Variants in PCDH15 observed in about 807,000 individuals in gnomAD.
PCDH15 encodes the protein protocadherin related 15.
In PCDH15, 129 loss-of-function variants were observed where a neutral mutation model predicts 178.5. The ratio of observed to expected loss-of-function variants is 0.72; its 90% CI spans 0.63 to 0.84. PCDH15 has a LOEUF of 0.84. PCDH15 is among the 40% of genes least tolerant of loss of function. The probability of loss-of-function intolerance (pLI) is 0.00; values close to 1 mark genes in which losing one functional copy is unlikely to be tolerated. For synonymous variants in PCDH15, 800 were observed against 732.0 expected (o/e 1.09, Z -1.50); for missense variants, 2,230 against 2,099.9 (o/e 1.06, Z -1.21).
At chr10:55,027,640 C>T (rs1157409750) in intron 2 of PCDH15, among the ~76,000 whole-genome samples, 1 of 151,720 alleles carries the variant, frequency 6.6e-6, no homozygotes, top group Non-Finnish European at 1.5e-5. Context: ...TTCTCTTCCC[C>T]TGTCATAGGT....
At chr10:53,810,806 G>T in intron 36 of PCDH15, 142 bp from the exon 37 acceptor site, 1 of 749,876 alleles carries the variant, frequency 1.3e-6, no homozygotes, top group Non-Finnish European at 2.3e-6. Context: ...TTGTAAACTA[G>T]TTACAAAACT....
chr10:53,910,927 A>G (rs2083043975), intron 25 of PCDH15, among the ~76,000 whole-genome samples: 1 of 152,230 alleles, frequency 6.6e-6, no homozygotes, highest in Non-Finnish European at 1.5e-5. Flanking sequence ...TTGAAGATCA[A>G]GTTAATGAAA....
chr10:53,918,969 C>A (rs1205204799), intron 25 of PCDH15, among the ~76,000 whole-genome samples: 1 of 152,132 alleles, frequency 6.6e-6, no homozygotes, highest in African/African-American at 2.4e-5. Flanking sequence ...CTAGAAGCTG[C>A]CTGCTTGCAT....
chr10:54,504,954 A>G (rs529273745), intron 3 of PCDH15, among the ~76,000 whole-genome samples: 1 of 152,242 alleles, frequency 6.6e-6, no homozygotes, highest in South Asian at 2.1e-4. Flanking sequence ...CATACTGCAG[A>G]CTTTTTCAAA....
At chr10:53,905,805 A>C (rs1025180044) in intron 25 of PCDH15, among the ~76,000 whole-genome samples, 8 of 152,136 alleles carry the variant, frequency 5.3e-5, no homozygotes, top group Non-Finnish European at 1.2e-4. Flanking sequence ...TGGATAACCC[A>C]AAATATGATT....
chr10:54,119,368 A>G (rs2095174448), intron 15 of PCDH15, among the ~76,000 whole-genome samples: 1 of 152,182 alleles, frequency 6.6e-6, no homozygotes, highest in Non-Finnish European at 1.5e-5. Flanking sequence ...CTTTATTAAT[A>G]GACTGGATCT....
chr10:54,076,639 T>C (rs2094347367), intron 17 of PCDH15, among the ~76,000 whole-genome samples: 1 of 151,976 alleles, frequency 6.6e-6, no homozygotes, highest in Admixed American at 6.6e-5. Context: ...AAAAATAAAT[T>C]ACATGACACA....
intron 2 of PCDH15, among the ~76,000 whole-genome samples, chr10:54,663,750 C>CAA: frequency 6.6e-6 from 1 of 150,600 alleles, no homozygotes; most frequent in East Asian, 1.9e-4. Flanking sequence ...GTGCCAACAC[C>CAA]AAAACAACTT....
intron 2 of PCDH15, among the ~76,000 whole-genome samples, chr10:54,624,370 G>T (rs1027235127): frequency 6.6e-6 from 1 of 152,156 alleles, no homozygotes; most frequent in Non-Finnish European, 1.5e-5. Flanking sequence ...TAAAACTACT[G>T]ATTGCCTTGA....
chr10:54,790,329 T>C (rs1296167436), intron 1 of PCDH15, among the ~76,000 whole-genome samples: 1 of 151,404 alleles, frequency 6.6e-6, no homozygotes, highest in Non-Finnish European at 1.5e-5. Context: ...TTTTTACATA[T>C]GTATATATTT....
At chr10:54,564,727 CTT>C (rs2088746747) in intron 2 of PCDH15, among the ~76,000 whole-genome samples, 1 of 151,838 alleles carries the variant, frequency 6.6e-6, no homozygotes, top group South Asian at 2.1e-4. Context: ...ATAAATATGT[CTT>C]TGTTATCAAT....
At chr10:54,270,180 A>C (rs1446882217) in intron 8 of PCDH15, among the ~76,000 whole-genome samples, 1 of 152,104 alleles carries the variant, frequency 6.6e-6, no homozygotes, top group Non-Finnish European at 1.5e-5. Flanking sequence ...ATAGTAGTCA[A>C]TGAATCCAGT....
intron 1 of PCDH15, among the ~76,000 whole-genome samples, chr10:55,221,811 C>G (rs1423350981): frequency 3.3e-5 from 5 of 151,786 alleles, no homozygotes; most frequent in Admixed American, 3.3e-4. Flanking sequence ...GAAATCTAGA[C>G]TATTTCCTTT....
intron 7 of PCDH15, among the ~76,000 whole-genome samples, chr10:54,323,835 A>G (rs1264736994): frequency 6.6e-6 from 1 of 152,078 alleles, no homozygotes; most frequent in Admixed American, 6.6e-5. Flanking sequence ...AAAGTTGAGG[A>G]AAAAAATAAT....
At chr10:55,405,462 T>A (rs1302956704) in intron 2 of PCDH15, among the ~76,000 whole-genome samples, 1 of 151,426 alleles carries the variant, frequency 6.6e-6, no homozygotes, top group African/African-American at 2.4e-5. Flanking sequence ...CTAACTTAAA[T>A]CATTTATCTA....
At chr10:53,862,008 A>G (rs2079136517) in intron 27 of PCDH15, among the ~76,000 whole-genome samples, 3 of 152,104 alleles carry the variant, frequency 2.0e-5, no homozygotes, top group Admixed American at 2.0e-4. Context: ...ATGAAATCTG[A>G]AACCATGTTC....
At chr10:54,103,627 A>G (rs1208468241) in intron 15 of PCDH15, among the ~76,000 whole-genome samples, 1 of 152,216 alleles carries the variant, frequency 6.6e-6, no homozygotes, top group Non-Finnish European at 1.5e-5. Flanking sequence ...CCACCATCCC[A>G]AACTCCCTAA....
At chr10:54,065,880 A>G (rs80074563) in intron 18 of PCDH15, among the ~76,000 whole-genome samples, 79 of 152,346 alleles carry the variant, frequency 5.2e-4, no homozygotes, top group African/African-American at 1.6e-3. Flanking sequence ...TTGAGCTAAA[A>G]ATCAGATCTT....
intron 2 of PCDH15, among the ~76,000 whole-genome samples, chr10:54,938,378 T>A: frequency 6.6e-6 from 1 of 151,246 alleles, no homozygotes; most frequent in Non-Finnish European, 1.5e-5. Flanking sequence ...ATTAAAGATA[T>A]TACTTTATAG....
Sources: allele counts gnomAD v4.1 joint callset (sites outside exome capture counted in the v4.1 genomes callset), GRCh38; gene constraint gnomAD v4.1.1; transcripts MANE v1.5; gene names NCBI Gene and HGNC (gene_info 2026-07-23, HGNC 2026-07-21).